Variants in ARHGEF3 observed in about 807,000 individuals in gnomAD.
ARHGEF3 encodes the protein Rho guanine nucleotide exchange factor 3, also known as 59.8 kDA protein.
ARHGEF3 carries 28 observed loss-of-function variants against 63.2 expected under a neutral mutation model. The ratio of observed to expected loss-of-function variants is 0.44; its 90% CI spans 0.33 to 0.61. The LOEUF (loss-of-function observed/expected upper bound fraction) is 0.61, where lower values mean the gene tolerates loss of function less well. Ranked by LOEUF, ARHGEF3 falls within the 20% of genes least tolerant of loss-of-function variation. The probability of loss-of-function intolerance (pLI) is 0.03; values close to 1 mark genes in which losing one functional copy is unlikely to be tolerated. For missense variants in ARHGEF3, 533 were observed against 659.3 expected (o/e 0.81, Z 2.10); for synonymous variants, 266 against 254.2 (o/e 1.05, Z -0.44).
At chr3:57,042,887 C>T (rs1299234986) in intron 1 of ARHGEF3, among the ~76,000 whole-genome samples, 2 of 150,486 alleles carry the variant, frequency 1.3e-5, no homozygotes, top group South Asian at 4.2e-4. Flanking sequence ...TCAGTACAGA[C>T]GAGGTTTCAC....
In ARHGEF3 at chr3:56,937,518, A is replaced by G. The variant is rs146798647; in HGVS notation, c.129+21305T>C. On this transcript the variant is annotated intron_variant, in intron 3 of 12. Coordinates refer to the ARHGEF3 transcript ENST00000338458. ...CTTTTAACTTTTCCATATGTTTGAAATTTTTCATAATAAAAAGTTGAAAAA... is the reference window on the plus strand; with the variant it reads ...CTTTTAACTTTTCCATATGTTTGAAGTTTTTCATAATAAAAAGTTGAAAAA... Among the ~76,000 whole-genome samples the G allele has an allele frequency of 3.1e-3, 476 of 152,312 alleles. 4 individuals are homozygous for G. The highest frequency in any genetic ancestry group is 0.011 in the African/African-American group (448 of 41,580).
At position 56,755,251 on chromosome 3, in the gene ARHGEF3, G is replaced by A; in HGVS notation, c.205-100C>T. The A allele has an allele frequency of 9.1e-6, 12 of 1,321,258 alleles. No homozygotes were observed. The South Asian group carries it at 1.5e-4, about 17-fold the overall frequency. 81.8% of individuals were successfully genotyped at this position (1,321,258 alleles called of 1,614,324 possible). A position where few individuals can be genotyped will look rare whatever the true frequency, so the allele number is the denominator to read the frequency against. On this transcript the variant is annotated intron_variant, in intron 2 of 9. Transcript: ENST00000296315. ...TTGACGGAACATAAATCATATATGTGAAAGAAAAAGAGGACATTGCCACAA... is the reference window on the plus strand; with the variant it reads ...TTGACGGAACATAAATCATATATGTAAAAGAAAAAGAGGACATTGCCACAA...
intron 1 of ARHGEF3, among the ~76,000 whole-genome samples, chr3:56,800,921 T>C (rs1293030200): frequency 6.6e-6 from 1 of 152,188 alleles, no homozygotes; most frequent in East Asian, 1.9e-4. Flanking sequence ...ACCCAACCTT[T>C]AAGGCCAGTG....
At chr3:56,889,681 T>C (rs1274502032) in intron 3 of ARHGEF3, among the ~76,000 whole-genome samples, 1 of 152,226 alleles carries the variant, frequency 6.6e-6, no homozygotes, top group Non-Finnish European at 1.5e-5. Context: ...TCTCTGCATA[T>C]GATGCTATTT....
intron 3 of ARHGEF3, among the ~76,000 whole-genome samples, chr3:56,942,161 A>G (rs1319065521): frequency 6.6e-6 from 1 of 152,190 alleles, no homozygotes; most frequent in Admixed American, 6.5e-5. Context: ...TATTATTGCT[A>G]TTGTTTTTAT....
chr3:57,043,908 T>C (rs541110447), intron 1 of ARHGEF3, among the ~76,000 whole-genome samples: 1 of 152,230 alleles, frequency 6.6e-6, no homozygotes, highest in Non-Finnish European at 1.5e-5. Flanking sequence ...TACTCCATCA[T>C]CCCTGGACGC....
At chr3:56,879,296 G>A (rs71309981) in intron 4 of ARHGEF3, among the ~76,000 whole-genome samples, 17,077 of 152,148 alleles carry the variant, frequency 0.11, 1,092 homozygotes, top group Non-Finnish European at 0.14. Context: ...ACTGCTATAG[G>A]GCACTTACTT....
intron 4 of ARHGEF3, among the ~76,000 whole-genome samples, chr3:56,871,298 T>C (rs976308346): frequency 6.6e-6 from 1 of 152,152 alleles, no homozygotes; most frequent in Non-Finnish European, 1.5e-5. Flanking sequence ...TCCATATTCA[T>C]CTCTAAAAAA....
At chr3:56,856,316 C>T (rs1189935738) in intron 4 of ARHGEF3, among the ~76,000 whole-genome samples, 1 of 152,310 alleles carries the variant, frequency 6.6e-6, no homozygotes, top group African/African-American at 2.4e-5. Flanking sequence ...AGTGAGTCAA[C>T]ATTTTTGGAA....
chr3:57,023,850 GC>G (rs1703360864), intron 2 of ARHGEF3, among the ~76,000 whole-genome samples: 1 of 152,214 alleles, frequency 6.6e-6, no homozygotes, highest in Non-Finnish European at 1.5e-5. Flanking sequence ...CATGCTCACT[GC>G]CCTGGGAATA....
intron 2 of ARHGEF3, among the ~76,000 whole-genome samples, chr3:57,029,016 C>T (rs1703609575): frequency 6.6e-6 from 1 of 150,804 alleles, no homozygotes; most frequent in Admixed American, 6.6e-5. Flanking sequence ...CACACACACA[C>T]CTCCCAAAAT....
chr3:56,917,900 C>A (rs1289142728), intron 3 of ARHGEF3, among the ~76,000 whole-genome samples: 1 of 152,198 alleles, frequency 6.6e-6, no homozygotes, highest in African/African-American at 2.4e-5. Flanking sequence ...GCCTTTCAGG[C>A]AAGCATCTGG....
At chr3:56,797,556 G>C (rs2107950284) in intron 1 of ARHGEF3, among the ~76,000 whole-genome samples, 1 of 152,230 alleles carries the variant, frequency 6.6e-6, no homozygotes, top group South Asian at 2.1e-4. Context: ...TGTGTGTTCA[G>C]GTATACTATC....
chr3:56,799,441 C>T (rs1319395936), intron 1 of ARHGEF3, among the ~76,000 whole-genome samples: 3 of 152,170 alleles, frequency 2.0e-5, no homozygotes, highest in African/African-American at 7.2e-5. Flanking sequence ...AGAAAGGCCT[C>T]TGGATAGATC....
intron 3 of ARHGEF3, among the ~76,000 whole-genome samples, chr3:56,891,908 T>G (rs1431438813): frequency 6.6e-6 from 1 of 152,190 alleles, no homozygotes; most frequent in African/African-American, 2.4e-5. Context: ...GTTGGCAAAC[T>G]AGGAAAAGCC....
intron 3 of ARHGEF3, among the ~76,000 whole-genome samples, chr3:56,951,674 T>C (rs995767602): frequency 6.6e-6 from 1 of 152,048 alleles, no homozygotes; most frequent in African/African-American, 2.4e-5. Flanking sequence ...TGGTCCTATG[T>C]ATTTTCTCTT....
chr3:56,861,317 A>G (rs2040064834), intron 4 of ARHGEF3, among the ~76,000 whole-genome samples: 1 of 152,122 alleles, frequency 6.6e-6, no homozygotes, highest in African/African-American at 2.4e-5. Context: ...AACTTTGAAG[A>G]AGTCAAAGGA....
At chr3:56,801,666 T>C (rs756337229) in intron 1 of ARHGEF3, 37 bp downstream of exon 1, 20 of 1,546,998 alleles carry the variant, frequency 1.3e-5, no homozygotes, top group Non-Finnish European at 1.6e-5. Context: ...GACAGGCAGA[T>C]GACCCATAGA....
chr3:56,943,453 T>A (rs117943824), intron 3 of ARHGEF3, among the ~76,000 whole-genome samples: 10 of 152,268 alleles, frequency 6.6e-5, no homozygotes, highest in East Asian at 1.9e-4. Flanking sequence ...GAAAAAAAGA[T>A]TACTTTTAAA....
Sources: gnomAD v4.1 joint callset for allele counts (sites outside exome capture counted in the v4.1 genomes callset) on GRCh38, gnomAD v4.1.1 for gene constraint, MANE v1.5 for transcripts, NCBI Gene and HGNC (gene_info 2026-07-23, HGNC 2026-07-21) for gene names.